The following OSBPL8 variants were observed in gnomAD, a reference collection of about 807,000 sequenced individuals.
OSBPL8 encodes the protein oxysterol binding protein like 8, also known as oxysterol-binding protein-related protein 8.
OSBPL8 carries 59 observed loss-of-function variants against 125.5 expected under a neutral mutation model. The observed-to-expected ratio is 0.47, with a 90% confidence interval of 0.38 to 0.58. OSBPL8 has a LOEUF of 0.58. Ranked by LOEUF, OSBPL8 falls within the 20% of genes least tolerant of loss-of-function variation. The pLI is 0.00. For synonymous variants in OSBPL8, 330 were observed against 338.9 expected (o/e 0.97, Z 0.29); for missense variants, 758 against 1,047.8 (o/e 0.72, Z 3.82).
chr12:76,458,798 C>T (rs1251213913), intron 3 of OSBPL8, among the ~76,000 whole-genome samples: 2 of 151,986 alleles, frequency 1.3e-5, no homozygotes, highest in African/African-American at 4.8e-5. Context: ...AGCAACTGAT[C>T]TAGACTAAAA....
intron 4 of OSBPL8, among the ~76,000 whole-genome samples, chr12:76,439,529 G>C (rs546981691): frequency 6.6e-6 from 1 of 152,252 alleles, no homozygotes; most frequent in South Asian, 2.1e-4. Flanking sequence ...TATGTGCTTG[G>C]GGGGAGAGTG....
intron 14 of OSBPL8, 79 bp from the exon 15 acceptor site, chr12:76,384,429 T>C (rs1295717348): frequency 1.3e-6 from 1 of 791,264 alleles, no homozygotes; most frequent in African/African-American, 1.8e-5. Flanking sequence ...AAGCATATTA[T>C]TGTGCCATTA....
At chr12:76,460,030 C>G in intron 2 of OSBPL8, 135 bp from the exon 3 acceptor site, 1 of 752,258 alleles carries the variant, frequency 1.3e-6, no homozygotes, top group African/African-American at 1.7e-5. Flanking sequence ...AAAGCACATG[C>G]ACATCAATAG....
At chr12:76,379,678 C>A (rs1799847339) in intron 15 of OSBPL8, among the ~76,000 whole-genome samples, 1 of 152,142 alleles carries the variant, frequency 6.6e-6, no homozygotes, top group South Asian at 2.1e-4. Context: ...CAGGTTCATC[C>A]ACATTGTTGT....
intron 1 of OSBPL8, among the ~76,000 whole-genome samples, chr12:76,558,397 G>A (rs1016456495): frequency 2.6e-5 from 4 of 152,102 alleles, no homozygotes; most frequent in African/African-American, 9.7e-5. Context: ...CTCTAGATAC[G>A]AAGGGAGGCA....
At chr12:76,414,663 G>A (rs1328494232) in intron 4 of OSBPL8, among the ~76,000 whole-genome samples, 1 of 151,602 alleles carries the variant, frequency 6.6e-6, no homozygotes, top group Admixed American at 6.6e-5. Context: ...ATGTTGCCCA[G>A]GCTGGTCTTC....
chr12:76,362,723 G>A (rs985386151), intron 21 of OSBPL8, among the ~76,000 whole-genome samples: 4 of 151,720 alleles, frequency 2.6e-5, no homozygotes, highest in African/African-American at 7.2e-5. Context: ...ATTCAAATAG[G>A]AGAAGAGGAA....
intron 1 of OSBPL8, among the ~76,000 whole-genome samples, chr12:76,557,201 C>T (rs948471363): frequency 6.6e-6 from 1 of 152,180 alleles, no homozygotes; most frequent in African/African-American, 2.4e-5. Context: ...GATCTATGTA[C>T]TGTATCAATT....
At chr12:76,439,440 A>AACAATG (rs1331618354) in intron 4 of OSBPL8, among the ~76,000 whole-genome samples, 1 of 152,192 alleles carries the variant, frequency 6.6e-6, no homozygotes, top group East Asian at 1.9e-4. Context: ...AAAACTGTTT[A>AACAATG]ACAATGACAA....
intron 21 of OSBPL8, among the ~76,000 whole-genome samples, chr12:76,365,653 T>C (rs1419459982): frequency 2.6e-5 from 4 of 152,138 alleles, no homozygotes; most frequent in African/African-American, 9.7e-5. Context: ...GTGGTGAAAG[T>C]GGGAATGTTT....
At chr12:76,445,715 T>C (rs771711003) in intron 4 of OSBPL8, among the ~76,000 whole-genome samples, 4 of 152,126 alleles carry the variant, frequency 2.6e-5, no homozygotes, top group Admixed American at 1.3e-4. Context: ...ATCAAGGATG[T>C]AGAGCCACTG....
At chr12:76,451,784 A>G (rs188023673) in intron 3 of OSBPL8, among the ~76,000 whole-genome samples, 40 of 152,248 alleles carry the variant, frequency 2.6e-4, no homozygotes, top group Admixed American at 3.3e-4. Context: ...AAAGTACCTG[A>G]GGATCTCCAC....
chr12:76,412,294 A>G (rs1868264030), intron 4 of OSBPL8, among the ~76,000 whole-genome samples: 1 of 152,208 alleles, frequency 6.6e-6, no homozygotes, highest in African/African-American at 2.4e-5. Context: ...AGGTTGGAAC[A>G]GTAGTTTACC....
intron 15 of OSBPL8, among the ~76,000 whole-genome samples, chr12:76,382,566 G>C (rs993764387): frequency 6.6e-6 from 1 of 152,134 alleles, no homozygotes; most frequent in African/African-American, 2.4e-5. Flanking sequence ...CACTGCTTTA[G>C]GGATTACAAT....
rs539864987 is a variant in OSBPL8 at position 76,408,354 on chromosome 12, C to T, written c.288+2210G>A. On this transcript the variant is annotated intron_variant, in intron 5 of 23. Transcript: ENST00000261183. ...GCGGGCGCCTGTAGTCCCAGCTACT[C>T]GGGAGGCTGAGGCAGAAGAATGGCG... 4.8e-4 allele frequency among the ~76,000 whole-genome samples: 70 copies of T among 146,460 alleles called. 1 individual carries two copies. In the South Asian group the frequency reaches 0.013, roughly 26 times the overall value.
chr12:76,531,004 T>C (rs919964085), intron 1 of OSBPL8, among the ~76,000 whole-genome samples: 7 of 152,206 alleles, frequency 4.6e-5, no homozygotes, highest in African/African-American at 1.7e-4. Flanking sequence ...ATTGTGTTAG[T>C]CCATTCTCAC....
chr12:76,460,795 T>C (rs1565915404), intron 2 of OSBPL8, among the ~76,000 whole-genome samples: 1 of 152,290 alleles, frequency 6.6e-6, no homozygotes, highest in Middle Eastern at 3.4e-3. Context: ...AAATACCAAA[T>C]GCAGTAACAT....
chr12:76,491,100 A>G (rs1434572420), intron 1 of OSBPL8, among the ~76,000 whole-genome samples: 2 of 152,110 alleles, frequency 1.3e-5, no homozygotes, highest in Non-Finnish European at 2.9e-5. Flanking sequence ...ACTCCCTCTC[A>G]TGAGGAGTGG....
chr12:76,512,527 C>G (rs1484227981), intron 1 of OSBPL8, among the ~76,000 whole-genome samples: 6 of 152,144 alleles, frequency 3.9e-5, no homozygotes, highest in Non-Finnish European at 8.8e-5. Flanking sequence ...GCTCTCTATT[C>G]TGTTCCATTT....
Sources: allele counts gnomAD v4.1 joint callset (sites outside exome capture counted in the v4.1 genomes callset), GRCh38; gene constraint gnomAD v4.1.1; transcripts MANE v1.5; gene names NCBI Gene and HGNC (gene_info 2026-07-23, HGNC 2026-07-21).